Variants in FAM185A observed in about 807,000 individuals in gnomAD.
FAM185A encodes the protein protein FAM185A.
FAM185A carries 21 observed loss-of-function variants against 45.7 expected under a neutral mutation model. That is an observed-to-expected ratio of 0.46 (90% CI 0.33 to 0.66). The LOEUF is 0.66. Among genes scored for constraint, FAM185A ranks in the 30% least tolerant of loss-of-function variants. FAM185A has a pLI of 0.03. For synonymous variants in FAM185A, 117 were observed against 194.0 expected (o/e 0.60, Z 3.30); for missense variants, 305 against 485.4 (o/e 0.63, Z 3.49).
rs550953711 is a variant in FAM185A at position 102,779,947 on chromosome 7, G to C, written c.931+2599G>C. The C allele has an allele frequency of 2.1e-5, 3 of 139,678 alleles. No individual in the cohort carries two copies. The East Asian group carries it at 6.8e-4, about 32-fold the overall frequency. 8.7% of individuals were successfully genotyped at this position (139,678 alleles called of 1,614,324 possible). A position where few individuals can be genotyped will look rare whatever the true frequency, so the allele number is the denominator to read the frequency against. On this transcript the variant is annotated intron_variant, in intron 6 of 7. Coordinates refer to ENST00000413034, the MANE Select transcript of FAM185A (RefSeq NM_001145268.2). Reference sequence around the variant, plus strand: ...GCTGGTCTCGAACTCTTGAGCTCAAGCAATCCACCTACCTTGGCTTCCCAA... The same window carrying C: ...GCTGGTCTCGAACTCTTGAGCTCAACCAATCCACCTACCTTGGCTTCCCAA...
the FAM185A span, among the ~76,000 whole-genome samples, chr7:102,831,392 G>A: frequency 8.6e-6 from 1 of 116,830 alleles, no homozygotes; most frequent in African/African-American, 3.5e-5. Flanking sequence ...TACAGTGCCC[G>A]GGACACACAC....
chr7:102,786,303 CCA>C (rs1290033294), intron 6 of FAM185A, among the ~76,000 whole-genome samples: 1 of 152,182 alleles, frequency 6.6e-6, no homozygotes. Flanking sequence ...ACTAGAAATA[CCA>C]TTTGACCCAG....
chr7:102,782,357 C>T (rs987829753), intron 6 of FAM185A, among the ~76,000 whole-genome samples: 3 of 152,042 alleles, frequency 2.0e-5, no homozygotes, highest in African/African-American at 4.8e-5. Flanking sequence ...GTCAGATTCA[C>T]CAAAGTTGAA....
At chr7:102,842,047 T>G in the FAM185A span, among the ~76,000 whole-genome samples, 1 of 152,206 alleles carries the variant, frequency 6.6e-6, no homozygotes, top group African/African-American at 2.4e-5. Context: ...TCATAGACAG[T>G]TTAGTCAATT....
chr7:102,759,690 C>T (rs1333641856), intron 3 of FAM185A, among the ~76,000 whole-genome samples: 2 of 151,992 alleles, frequency 1.3e-5, no homozygotes, highest in Non-Finnish European at 2.9e-5. Flanking sequence ...ATTACTTAAC[C>T]TCTGTGTGTC....
At chr7:102,841,369 TTTAG>T in the FAM185A span, among the ~76,000 whole-genome samples, 1 of 152,170 alleles carries the variant, frequency 6.6e-6, no homozygotes, top group African/African-American at 2.4e-5. Flanking sequence ...CACATTCTCT[TTTAG>T]TTCTGTTCTG....
chr7:102,781,061 T>C (rs10464611), intron 6 of FAM185A, among the ~76,000 whole-genome samples: 29,561 of 152,044 alleles, frequency 0.19, 3,291 homozygotes, highest in East Asian at 0.53. Flanking sequence ...GCCTCGCTCA[T>C]TGCTAGCACA....
intron 1 of FAM185A, among the ~76,000 whole-genome samples, chr7:102,751,307 G>C (rs187115835): frequency 8.5e-4 from 129 of 152,202 alleles, no homozygotes; most frequent in African/African-American, 3.0e-3. Context: ...ATAGTTGCAT[G>C]GTAATATTTT....
intron 5 of FAM185A, among the ~76,000 whole-genome samples, chr7:102,774,307 C>T (rs1290716662): frequency 6.6e-6 from 1 of 152,170 alleles, no homozygotes; most frequent in Admixed American, 6.5e-5. Context: ...TGTGACCTTG[C>T]TAAATTTATT....
At chr7:102,827,776 G>C in the FAM185A span, among the ~76,000 whole-genome samples, 246 of 152,138 alleles carry the variant, frequency 1.6e-3, 1 homozygote, top group African/African-American at 5.5e-3. Context: ...AACATGCAGT[G>C]TTTGGTTTTT....
At chr7:102,819,668 G>A in the FAM185A span, among the ~76,000 whole-genome samples, 1 of 152,144 alleles carries the variant, frequency 6.6e-6, no homozygotes, top group Admixed American at 6.5e-5. Flanking sequence ...GTGATTCAAA[G>A]ACATTGAGCT....
intron 7 of FAM185A, among the ~76,000 whole-genome samples, chr7:102,795,261 C>T (rs1240920459): frequency 1.3e-5 from 2 of 152,102 alleles, no homozygotes; most frequent in Admixed American, 1.3e-4. Flanking sequence ...GAAGCTGTCA[C>T]CATTAGGGGA....
chr7:102,781,132 C>T (rs527313405), intron 6 of FAM185A, among the ~76,000 whole-genome samples: 13 of 152,248 alleles, frequency 8.5e-5, no homozygotes, highest in African/African-American at 1.2e-4. Context: ...CCACCATTGC[C>T]GAGGCTTGAG....
At chr7:102,771,702 A>G (rs1230064942) in intron 4 of FAM185A, among the ~76,000 whole-genome samples, 1 of 152,196 alleles carries the variant, frequency 6.6e-6, no homozygotes, top group African/African-American at 2.4e-5. Context: ...TTTTCAGTAG[A>G]ATAAATATGA....
chr7:102,841,758 A>C, the FAM185A span, among the ~76,000 whole-genome samples: 2 of 152,188 alleles, frequency 1.3e-5, no homozygotes, highest in African/African-American at 4.8e-5. Context: ...TATCTTGGCA[A>C]GAGTTTATCT....
intron 2 of FAM185A, chr7:102,755,456 C>G: frequency 1.5e-6 from 1 of 679,428 alleles, no homozygotes; most frequent in Non-Finnish European, 2.5e-6. Flanking sequence ...AAATACAGAC[C>G]AGAGACAAAG....
rs865972143 is a variant in FAM185A at position 102,789,570 on chromosome 7, G to A, written c.1066+2101G>A. ...ACTAAAATACAAAAATTAGCCGGGC[G>A]TGGTGGCGGGCGCCTGTAATCTCAG... is the stretch of plus-strand genomic sequence containing the variant. On this transcript the variant is annotated intron_variant, in intron 7 of 7. Coordinates refer to ENST00000413034, the MANE Select transcript of FAM185A (RefSeq NM_001145268.2). Among the ~76,000 whole-genome samples the A allele has an allele frequency of 6.6e-5, 10 of 152,368 alleles. No individual in the cohort carries two copies. The East Asian group carries it at 1.5e-3, about 23-fold the overall frequency.
chr7:102,803,859 CA>C (rs529449595), intron 7 of FAM185A, among the ~76,000 whole-genome samples: 83 of 152,144 alleles, frequency 5.5e-4, no homozygotes, highest in African/African-American at 1.9e-3. Flanking sequence ...TTAATGTACA[CA>C]AATCAGTAGC....
the FAM185A span, among the ~76,000 whole-genome samples, chr7:102,834,090 G>GGAAGGAAGGAAGGAAGGAAGGA: frequency 8.5e-5 from 6 of 70,512 alleles, no homozygotes; most frequent in East Asian, 7.6e-4. Flanking sequence ...GGAAAGAAAA[G>GGAAGGAAGGAAGGAAGGAAGGA]AAAGAAAGAA....
Sources: gnomAD v4.1 joint callset for allele counts (sites outside exome capture counted in the v4.1 genomes callset) on GRCh38, gnomAD v4.1.1 for gene constraint, MANE v1.5 for transcripts, NCBI Gene and HGNC (gene_info 2026-07-23, HGNC 2026-07-21) for gene names.